Variants in ASB15 observed in about 807,000 individuals in gnomAD.
ASB15 encodes ankyrin repeat and SOCS box protein 15.
ASB15 carries 54 observed loss-of-function variants against 58.0 expected under a neutral mutation model. The ratio of observed to expected loss-of-function variants is 0.93; its 90% CI spans 0.75 to 1.17. The LOEUF (loss-of-function observed/expected upper bound fraction) is 1.17. ASB15 is among the 50% of genes most tolerant of loss of function. The pLI, the probability that ASB15 is intolerant of heterozygous loss-of-function variation, is 0.00. For synonymous variants in ASB15, 249 were observed against 262.4 expected (o/e 0.95, Z 0.50); for missense variants, 680 against 707.4 (o/e 0.96, Z 0.44).
chr7:123,624,841 G>A (rs1801666024), intron 8 of ASB15, 27 bp downstream of exon 8: 3 of 1,602,210 alleles, frequency 1.9e-6, no homozygotes, highest in Non-Finnish European at 2.6e-6. Context: ...TACACTTCCT[G>A]ACTTTTGTCC....
At chr7:123,621,245 A>T (rs1036827774) in intron 7 of ASB15, 1 of 152,238 alleles carries the variant, frequency 6.6e-6, no homozygotes, top group Admixed American at 6.5e-5. Flanking sequence ...GAGTTGAAAT[A>T]GAATTAATAT....
chr7:123,614,475 C>A (rs746969668), intron 3 of ASB15, 26 bp from the exon 4 acceptor site: 3 of 1,414,140 alleles, frequency 2.1e-6, no homozygotes, highest in South Asian at 2.4e-5. Context: ...ATAATAAGAA[C>A]TTGTCTCGTT....
chr7:123,624,777 T>C lies in ASB15; in HGVS notation c.660T>C (p.Tyr220=), dbSNP rs1479492705. 2.5e-6 allele frequency: 4 copies of C among 1,614,092 alleles called. No individual in the cohort carries two copies. Among genetic ancestry groups the C allele is most frequent in the East Asian group, 2.2e-5 (1 of 44,882 alleles). The change falls in exon 8 of 12, where the codon TAT becomes TAC. Residue 220 remains tyrosine (Y), a synonymous_variant. Coordinates refer to ENST00000451215, the MANE Select transcript of ASB15 (RefSeq NM_001290258.2). ...CACCACTAGGCGTCGCTGCCGAGTA[T>C]GGTCACTGTGACGTGTTAGAACATC... ...GVTPLGVAAE[Y]GHCDVLEHLI... is the part of the protein sequence containing the mutation.
intron 6 of ASB15, among the ~76,000 whole-genome samples, chr7:123,616,836 C>T (rs1800850923): frequency 6.6e-6 from 1 of 152,054 alleles, no homozygotes; most frequent in South Asian, 2.1e-4. Flanking sequence ...TTAAATTTTT[C>T]ATTTTGAACT....
chr7:123,629,396 C>A lies in ASB15; in HGVS notation c.1402C>A (p.Leu468Met). ...FVWSEIQEEV[L>M]PGWTSCVIKD... ...GTGGTCAGAGATACAGGAAGAGGTG[C>A]TGCCAGGATGGACATCTTGTGTAAT... is the stretch of plus-strand genomic sequence containing the variant. Residue 468 changes from leucine (L) to methionine (M), a missense_variant, in exon 10 of 12, where the codon CTG (leucine) becomes ATG (methionine). Transcript: ENST00000451215. 6.2e-7 allele frequency: 1 copy of A among 1,612,746 alleles called. No homozygotes were observed. Among genetic ancestry groups the A allele is most frequent in the South Asian group, 1.1e-5 (1 of 90,948 alleles).
At chr7:123,613,846 C>A (rs1800619680) in intron 3 of ASB15, among the ~76,000 whole-genome samples, 1 of 152,070 alleles carries the variant, frequency 6.6e-6, no homozygotes, top group African/African-American at 2.4e-5. Context: ...GAGTTTGAGA[C>A]CAGCCTGGCC....
At chr7:123,609,237 C>T (rs1429305008) in intron 3 of ASB15, 1 of 152,070 alleles carries the variant, frequency 6.6e-6, no homozygotes, top group African/African-American at 2.4e-5. Context: ...TCTATTGACC[C>T]TTTTGTTGTC....
chr7:123,621,647 AG>A (rs1801331289), intron 7 of ASB15: 1 of 152,200 alleles, frequency 6.6e-6, no homozygotes, highest in African/African-American at 2.4e-5. Context: ...AGATATCCTT[AG>A]AGGGCCAAGA....
At chr7:123,590,237 A>T (rs1196154541) in intron 1 of ASB15, among the ~76,000 whole-genome samples, 3 of 151,808 alleles carry the variant, frequency 2.0e-5, no homozygotes, top group Admixed American at 6.6e-5. Flanking sequence ...TGTCAGATGG[A>T]TAGGTTGCAA....
intron 1 of ASB15, among the ~76,000 whole-genome samples, chr7:123,595,471 T>C (rs1421384674): frequency 1.3e-5 from 2 of 152,264 alleles, no homozygotes; most frequent in Non-Finnish European, 2.9e-5. Context: ...CCTCTCAGAC[T>C]ATCCTTTCTG....
chr7:123,605,922 ACT>A (rs1372793191), intron 2 of ASB15, among the ~76,000 whole-genome samples: 1 of 152,190 alleles, frequency 6.6e-6, no homozygotes, highest in Admixed American at 6.5e-5. Flanking sequence ...ATGATAAAAT[ACT>A]CTGTACACCA....
chr7:123,613,995 G>A (rs535481511), intron 3 of ASB15, among the ~76,000 whole-genome samples: 494 of 152,170 alleles, frequency 3.2e-3, no homozygotes, highest in African/African-American at 0.011. Flanking sequence ...GCAGTAAGCC[G>A]AGATCATGCC....
chr7:123,627,167 G>A lies in ASB15; in HGVS notation c.755G>A (p.Gly252Glu), dbSNP rs1801844974. Reference sequence around the variant, plus strand: ...GCGTCGGTGCTGTTTGAGGCAGCAGGAGGTGGCAATCCCGACTGCATTTCC... The same window carrying A: ...GCGTCGGTGCTGTTTGAGGCAGCAGAAGGTGGCAATCCCGACTGCATTTCC... Reference protein sequence around the residue: ...DGASVLFEAAGGGNPDCISLL... With the variant: ...DGASVLFEAAEGGNPDCISLL... Residue 252 changes from glycine (G) to glutamate (E), a missense_variant, in exon 9 of 12, where the codon GGA (glycine) becomes GAA (glutamate). Gly to Glu is a moderately conservative substitution (Grantham distance 98). Coordinates refer to ENST00000451215, the MANE Select transcript of ASB15 (RefSeq NM_001290258.2). The A allele has an allele frequency of 1.9e-6, 3 of 1,613,926 alleles. No homozygotes were observed. Among genetic ancestry groups the A allele is most frequent in the African/African-American group, 1.3e-5 (1 of 74,906 alleles).
At position 123,617,744 on chromosome 7, in the gene ASB15, G is replaced by A; in HGVS notation, c.451+7G>A. 3 of 1,598,896 alleles carry A rather than the reference G, an allele frequency of 1.9e-6. No homozygotes were observed. The highest frequency in any genetic ancestry group is 1.4e-5 in the African/African-American group (1 of 73,988). On this transcript the variant is annotated splice_region_variant and intron_variant, in intron 7 of 11. Transcript: ENST00000451215. ...GAGACCCCCCTTCTGATTGGTAAATGACCTTTTTTTCTAGAACTTTTATAG... is the reference window on the plus strand; with the variant it reads ...GAGACCCCCCTTCTGATTGGTAAATAACCTTTTTTTCTAGAACTTTTATAG...
intron 3 of ASB15, chr7:123,609,043 T>G (rs527908608): frequency 8.6e-5 from 13 of 151,578 alleles, no homozygotes; most frequent in Non-Finnish European, 1.9e-4. Context: ...CTGATGATTC[T>G]CTCAGGGACC....
Position 123,572,203 on chromosome 7 carries a change from G to A in ASB15, c.-443+5115G>A, listed in dbSNP as rs370285252. Among the ~76,000 whole-genome samples, 96 of 125,562 alleles carry A rather than the reference G, an allele frequency of 7.6e-4. 1 individual carries two copies. The highest frequency in any genetic ancestry group is 4.4e-3 in the Middle Eastern group (1 of 226). The allele number at this position is 125,562 out of a possible 152,430, so 82.4% of individuals were successfully genotyped here. On this transcript the variant is annotated intron_variant, in intron 1 of 13. Transcript: ENST00000451558. ...TGTCACTAGGCTGGAGTGCAGTGAC[G>A]CGATCTTGCCTCACTGCAACCTCTG...
At chr7:123,579,627 C>T (rs1799170839) in intron 1 of ASB15, among the ~76,000 whole-genome samples, 1 of 152,038 alleles carries the variant, frequency 6.6e-6, no homozygotes, top group African/African-American at 2.4e-5. Context: ...AAGTTTGCAA[C>T]ATGCCTGGTA....
At chr7:123,594,961 C>A (rs1176257918) in intron 1 of ASB15, among the ~76,000 whole-genome samples, 1 of 152,154 alleles carries the variant, frequency 6.6e-6, no homozygotes, top group Admixed American at 6.6e-5. Flanking sequence ...GCTTCCCTGC[C>A]GCTTTGTTTA....
At chr7:123,596,847 G>T (rs1584747839), upstream of ASB15, among the ~76,000 whole-genome samples, 1 of 152,278 alleles carries the variant, frequency 6.6e-6, no homozygotes, top group East Asian at 1.9e-4. Context: ...AGAGAGAATA[G>T]AGTACAATAC....
Sources: gnomAD v4.1 joint callset for allele counts (sites outside exome capture counted in the v4.1 genomes callset) on GRCh38, gnomAD v4.1.1 for gene constraint, MANE v1.5 for transcripts, NCBI Gene and HGNC (gene_info 2026-07-23, HGNC 2026-07-21) for gene names.